The following ZNF561 variants were observed in gnomAD, a reference collection of about 807,000 sequenced individuals.
ZNF561 encodes the protein zinc finger protein 561.
ZNF561 carries 16 observed loss-of-function variants against 16.7 expected under a neutral mutation model. That is an observed-to-expected ratio of 0.96 (90% CI 0.65 to 1.45). The LOEUF (loss-of-function observed/expected upper bound fraction) is 1.45. ZNF561 is among the 40% of genes most tolerant of loss of function. The pLI, the probability that ZNF561 is intolerant of heterozygous loss-of-function variation, is 0.00. For synonymous variants in ZNF561, 190 were observed against 192.1 expected, an observed-to-expected ratio of 0.99 and a Z score of 0.09; for missense variants, 580 against 578.0, an observed-to-expected ratio of 1.00 and a Z score of -0.04.
rs2074417414 is a variant in ZNF561, at chr19:9,610,098, C to G, written c.*102G>C. 1 of 1,072,810 alleles carries G rather than the reference C, an allele frequency of 9.3e-7. No individual in the cohort carries two copies. The highest frequency in any genetic ancestry group is 1.3e-6 in the Non-Finnish European group (1 of 763,434). 66.5% of individuals were successfully genotyped at this position (1,072,810 alleles called of 1,614,324 possible). Reference sequence around the variant, plus strand: ...TAATTTCAGACCCTCAGGATGGTATCTAAGGCCAATCCATGAGTCATTACA... The same window carrying G: ...TAATTTCAGACCCTCAGGATGGTATGTAAGGCCAATCCATGAGTCATTACA... On this transcript the variant is annotated 3_prime_UTR_variant, in exon 6 of 6. Coordinates refer to ENST00000302851, the MANE Select transcript of ZNF561 (RefSeq NM_152289.3).
rs2074454681 is a variant in ZNF561, at chr19:9,611,350, G to C, written c.325-14C>G. On this transcript the variant is annotated splice_polypyrimidine_tract_variant and intron_variant, in intron 5 of 5. Coordinates refer to ENST00000302851, the MANE Select transcript of ZNF561 (RefSeq NM_152289.3). ...GTAGCCTCTTGTCTGTTGATGACGA[G>C]ATAAAGGTTTTAAAACATTTTCAGA... The C allele has an allele frequency of 1.3e-6, 2 of 1,584,854 alleles. No homozygotes were observed. Among genetic ancestry groups the C allele is most frequent in the Non-Finnish European group, 1.7e-6 (2 of 1,164,446 alleles).
chr19:9,616,321 G>A lies in ZNF561; in HGVS notation c.241+724C>T, dbSNP rs747079280. The stretch of plus-strand genomic sequence containing the variant: ...TTTTTAGACGAAGTATCACTGTGTC[G>A]CCCCGGCAGGAGTGCAGTGGCGCAA... On this transcript the variant is annotated intron_variant, in intron 4 of 5. Transcript: ENST00000302851. 5.3e-5 allele frequency among the ~76,000 whole-genome samples: 8 copies of A among 151,888 alleles called. No homozygotes were observed. The South Asian group carries it at 6.2e-4, about 12-fold the overall frequency.
Position 9,610,887 on chromosome 19 carries a change from A to C in ZNF561, c.774T>G (p.Cys258Trp). The C allele has an allele frequency of 6.2e-7, 1 of 1,614,160 alleles. No individual in the cohort carries two copies. The highest frequency in any genetic ancestry group is 8.5e-7 in the Non-Finnish European group (1 of 1,180,026). ...TGKKSKKTKK[C>W]GKSFTNFSQL... ...GAGAAAAATTAGTGAAGGATTTCCC[A>C]CATTTCTTAGTCTTTTTGGATTTCT... Residue 258 changes from cysteine to tryptophan, a missense_variant, in exon 6 of 6, where the codon TGT (cysteine) becomes TGG (tryptophan). Physicochemically the swap from Cys to Trp is radical, Grantham distance 215. Coordinates refer to ENST00000302851, the MANE Select transcript of ZNF561 (RefSeq NM_152289.3).
At chr19:9,617,322 T>C (rs1174969333) in intron 3 of ZNF561, 151 bp from the exon 4 acceptor site, 1 of 1,313,068 alleles carries the variant, frequency 7.6e-7, no homozygotes, top group East Asian at 2.8e-5. Flanking sequence ...GGAGCTCTTG[T>C]GTCTAAACAC....
Position 9,609,713 on chromosome 19 carries a change from T to C in ZNF561, c.*487A>G, listed in dbSNP as rs2074411774. 6.5e-6 allele frequency: 1 copy of C among 154,268 alleles called. No homozygotes were observed. Among genetic ancestry groups the C allele is most frequent in the Admixed American group, 6.4e-5 (1 of 15,698 alleles). 9.6% of individuals were successfully genotyped at this position (154,268 alleles called of 1,614,324 possible). A position where few individuals can be genotyped will look rare whatever the true frequency, so the allele number is the denominator to read the frequency against. ...ATTTTACAAGGGGACACAGAAATAA[T>C]CAGCTGTGAAAGGGCACTGGCAGTT... On this transcript the variant is annotated 3_prime_UTR_variant, in exon 6 of 6. Coordinates refer to ENST00000302851, the MANE Select transcript of ZNF561 (RefSeq NM_152289.3).
intron 3 of ZNF561, chr19:9,617,813 A>G (rs1401135753): frequency 4.0e-6 from 2 of 503,396 alleles, no homozygotes; most frequent in Non-Finnish European, 7.8e-6. Flanking sequence ...CATCTGCTTT[A>G]TCATCCGTCA....
rs2074590693 is a variant in ZNF561, at chr19:9,618,072, C to T, written c.114+19G>A. ...GATGAAAGCATATCATTTTTAACAA[C>T]AGTACGTTTTCTGCTTACCTGATAA... is the stretch of plus-strand genomic sequence containing the variant. On this transcript the variant is annotated intron_variant, in intron 3 of 5. Transcript: ENST00000302851. 3 of 1,544,982 alleles carry T rather than the reference C, an allele frequency of 1.9e-6. No homozygotes were observed. The South Asian group carries it at 3.6e-5, about 18-fold the overall frequency.
Position 9,611,347 on chromosome 19 carries a change from C to T in ZNF561, c.325-11G>A, listed in dbSNP as rs145752708. ...ACTGTAGCCTCTTGTCTGTTGATGACGAGATAAAGGTTTTAAAACATTTTC... is the reference window on the plus strand; with the variant it reads ...ACTGTAGCCTCTTGTCTGTTGATGATGAGATAAAGGTTTTAAAACATTTTC... On this transcript the variant is annotated splice_polypyrimidine_tract_variant and intron_variant, in intron 5 of 5. Coordinates refer to ENST00000302851, the MANE Select transcript of ZNF561 (RefSeq NM_152289.3). The T allele has an allele frequency of 3.3e-3, 5,202 of 1,593,438 alleles. 88 individuals carry two copies. In the East Asian group the frequency reaches 0.035, roughly 11 times the overall value.
At position 9,620,986 on chromosome 19, in the gene ZNF561, T is replaced by A. The variant is rs549206089; in HGVS notation, c.-127+176A>T. On this transcript the variant is annotated intron_variant, in intron 1 of 5. Coordinates refer to ENST00000302851, the MANE Select transcript of ZNF561 (RefSeq NM_152289.3). ...ACCCTGGAGGCAGAGGTTGCAGAGG[T>A]TGCAGTGAGCCGAGAGAGCGCGCAG... 8 of 152,266 alleles carry A rather than the reference T, an allele frequency of 5.3e-5. No individual in the cohort carries two copies. In the East Asian group the frequency reaches 1.6e-3, roughly 30 times the overall value. 9.4% of individuals were successfully genotyped at this position (152,266 alleles called of 1,614,324 possible). A position where few individuals can be genotyped will look rare whatever the true frequency, so the allele number is the denominator to read the frequency against.
Position 9,610,675 on chromosome 19 carries a change from C to T in ZNF561, c.986G>A (p.Arg329Lys), listed in dbSNP as rs201803137. Residue 329 changes from arginine (R) to lysine (K), a missense_variant, in exon 6 of 6, where the codon AGA becomes AAA. Arg to Lys is a conservative substitution (Grantham distance 26). Transcript: ENST00000302851. ...ATAGGGTTTTATTCCAGTGTGAGTT[C>T]TTACATGTTCAGTAAGTTGAGTTGA... The part of the protein sequence containing the change: ...TRSTQLTEHV[R>K]THTGIKPYEC... 477 of 1,614,006 alleles carry T rather than the reference C, an allele frequency of 3.0e-4. No individual in the cohort carries two copies. The highest frequency in any genetic ancestry group is 3.9e-4 in the Non-Finnish European group (464 of 1,180,034).
In ZNF561 at chr19:9,610,070, G is replaced by T; in HGVS notation, c.*130C>A. ...ATGATGTTGTATTCAGAACCTGTAG[G>T]TTTAATTTCAGACCCTCAGGATGGT... On this transcript the variant is annotated 3_prime_UTR_variant, in exon 6 of 6. Transcript: ENST00000302851. The T allele has an allele frequency of 1.2e-6, 1 of 811,514 alleles. No individual in the cohort carries two copies. Among genetic ancestry groups the T allele is most frequent in the Non-Finnish European group, 1.9e-6 (1 of 533,540 alleles). 50.3% of individuals were successfully genotyped at this position (811,514 alleles called of 1,614,324 possible).
At position 9,611,101 on chromosome 19, in the gene ZNF561, T is replaced by C. The variant is rs535452360; in HGVS notation, c.560A>G (p.His187Arg). ...TTGTCTTGCATTGAGAACTTCAAGA[T>C]GTACAGCAAGACCTGGAGTTAGAGT... ...VFTLTPGLAV[H>R]LEVLNARQPY... is the part of the protein sequence containing the mutation. The change falls in exon 6 of 6, where the codon CAT (histidine) becomes CGT (arginine). Residue 187 changes from histidine to arginine, a missense_variant. Physicochemically the swap from His to Arg is conservative, Grantham distance 29 (BLOSUM62 0). Coordinates refer to ENST00000302851, the MANE Select transcript of ZNF561 (RefSeq NM_152289.3). 6.8e-6 allele frequency: 11 copies of C among 1,614,146 alleles called. No individual in the cohort carries two copies. In the African/African-American group the frequency reaches 9.3e-5, roughly 14 times the overall value.
intron 4 of ZNF561, among the ~76,000 whole-genome samples, chr19:9,614,964 G>A (rs1004844132): frequency 6.6e-6 from 1 of 150,922 alleles, no homozygotes; most frequent in Non-Finnish European, 1.5e-5. Flanking sequence ...TCAGCCTCTT[G>A]ACTAGCTGGG....
At chr19:9,613,961 A>G in intron 5 of ZNF561, 60 bp downstream of exon 5, 1 of 1,593,788 alleles carries the variant, frequency 6.3e-7, no homozygotes, top group Non-Finnish European at 8.6e-7. Flanking sequence ...GATTTTCTAG[A>G]ATGGAATTCT....
At chr19:9,615,022 T>G (rs1443951046) in intron 4 of ZNF561, among the ~76,000 whole-genome samples, 1 of 151,860 alleles carries the variant, frequency 6.6e-6, no homozygotes, top group African/African-American at 2.4e-5. Flanking sequence ...GTATTTTTAG[T>G]AGAGATGGGG....
rs2074668956 is a variant in ZNF561 at position 9,621,167 on chromosome 19, C to G, written c.-132G>C. 6.5e-6 allele frequency: 1 copy of G among 153,868 alleles called. No individual in the cohort carries two copies. Among genetic ancestry groups the G allele is most frequent in the South Asian group, 1.8e-4 (1 of 5,608 alleles). The allele number at this position is 153,868 out of a possible 1,614,324, so 9.5% of individuals were successfully genotyped here. A position where few individuals can be genotyped will look rare whatever the true frequency, so the allele number is the denominator to read the frequency against. On this transcript the variant is annotated 5_prime_UTR_variant, in exon 1 of 6. Transcript: ENST00000302851. The stretch of plus-strand genomic sequence containing the variant: ...GCCAAGGAGGTGGAACTCACCACAG[C>G]CTGGGCAGACTCCACCACCATAAAG...
rs778645684 is a variant in ZNF561 at position 9,610,163 on chromosome 19, G to C, written c.*37C>G. ...TTTAGGACAAATCTGATAATCTTTG[G>C]TGTCATTGCCAATAATTAAAGATGG... On this transcript the variant is annotated 3_prime_UTR_variant, in exon 6 of 6. Coordinates refer to ENST00000302851, the MANE Select transcript of ZNF561 (RefSeq NM_152289.3). 8 of 1,510,268 alleles carry C rather than the reference G, an allele frequency of 5.3e-6. No homozygotes were observed. Among genetic ancestry groups the C allele is most frequent in the African/African-American group, 1.4e-5 (1 of 72,024 alleles). 93.6% of individuals were successfully genotyped at this position (1,510,268 alleles called of 1,614,324 possible). A position where few individuals can be genotyped will look rare whatever the true frequency, so the allele number is the denominator to read the frequency against.
At position 9,610,619 on chromosome 19, in the gene ZNF561, G is replaced by C. The variant is rs760441662; in HGVS notation, c.1042C>G (p.Gln348Glu). The stretch of plus-strand genomic sequence containing the variant: ...ATGTGTATAGAAAGGCCCGAGTACT[G>C]AGCAAAGGCTTGGCCACATTCCTTA... ...ECKECGQAFA[Q>E]YSGLSIHIRS... Residue 348 changes from glutamine (Q) to glutamate (E), a missense_variant, in exon 6 of 6, where the codon CAG becomes GAG. By Grantham distance (29) the Gln-to-Glu change is conservative. Transcript: ENST00000302851. 79 of 1,613,796 alleles carry C rather than the reference G, an allele frequency of 4.9e-5. No individual in the cohort carries two copies. Among genetic ancestry groups the C allele is most frequent in the Non-Finnish European group, 4.4e-5 (52 of 1,179,906 alleles).
At position 9,611,377 on chromosome 19, in the gene ZNF561, A is replaced by G. The variant is rs576689601; in HGVS notation, c.325-41T>C. The G allele has an allele frequency of 3.2e-6, 5 of 1,549,272 alleles. No homozygotes were observed. In the African/African-American group the frequency reaches 4.1e-5, roughly 13 times the overall value. On this transcript the variant is annotated intron_variant, in intron 5 of 5. Coordinates refer to ENST00000302851, the MANE Select transcript of ZNF561 (RefSeq NM_152289.3). ...TAAAGGTTTTAAAACATTTTCAGAC[A>G]TATTAAGAGATTTCACCCATCTGAA... is the stretch of plus-strand genomic sequence containing the variant.
Sources: gnomAD v4.1 joint callset for allele counts (sites outside exome capture counted in the v4.1 genomes callset) on GRCh38, gnomAD v4.1.1 for gene constraint, MANE v1.5 for transcripts, NCBI Gene and HGNC (gene_info 2026-07-23, HGNC 2026-07-21) for gene names.